Variants in GRM4 observed in about 807,000 individuals in gnomAD.
GRM4 encodes the protein glutamate metabotropic receptor 4.
Under a neutral mutation model 81.7 loss-of-function variants are expected in GRM4, and 28 were observed. That is an observed-to-expected ratio of 0.34 (90% CI 0.25 to 0.47). The LOEUF (loss-of-function observed/expected upper bound fraction) is 0.47, where lower values mean the gene tolerates loss of function less well. GRM4 is among the 20% of genes least tolerant of loss of function. GRM4 has a pLI of 1.00. For missense variants in GRM4, 948 were observed against 1,290.0 expected (o/e 0.73, Z 4.06); for synonymous variants, 488 against 528.8 (o/e 0.92, Z 1.06).
chr6:34,046,531 G>C (rs551632644), intron 6 of GRM4, among the ~76,000 whole-genome samples: 1 of 152,238 alleles, frequency 6.6e-6, no homozygotes, highest in African/African-American at 2.4e-5. Flanking sequence ...AGCCTGTGGG[G>C]TTCCGTCCTG....
intron 1 of GRM4, among the ~76,000 whole-genome samples, chr6:34,154,702 G>A (rs1010059018): frequency 2.0e-5 from 3 of 151,974 alleles, no homozygotes; most frequent in African/African-American, 7.3e-5. Context: ...ACAGACACGT[G>A]GGGGGGAGTC....
At position 34,056,514 on chromosome 6, in the gene GRM4, CGCCCGGCCCT is replaced by C. The variant is rs1561778684; in HGVS notation, c.1168+20_1168+29del. 3.8e-6 allele frequency: 6 copies of C among 1,597,118 alleles called. No homozygotes were observed. Among genetic ancestry groups the C allele is most frequent in the Non-Finnish European group, 5.1e-6 (6 of 1,169,716 alleles). ...GCCCTCCCCGGCTCCTCCTAGAGCC[CGCCCGGCCCT>C]GCCCGGCCCGCGTGCTCACTGGTGC... On this transcript the variant is annotated intron_variant, in intron 6 of 10. Transcript: ENST00000538487.
At chr6:34,100,638 C>A (rs568523656) in intron 2 of GRM4, among the ~76,000 whole-genome samples, 5 of 152,334 alleles carry the variant, frequency 3.3e-5, no homozygotes, top group Non-Finnish European at 7.3e-5. Flanking sequence ...AGCGGACATC[C>A]GAGTGGGAGA....
intron 1 of GRM4, among the ~76,000 whole-genome samples, chr6:34,153,388 G>T (rs115958138): frequency 7.9e-5 from 12 of 152,276 alleles, no homozygotes; most frequent in Middle Eastern, 6.8e-3. Flanking sequence ...CCCACACTCC[G>T]GGCATCTCCA....
At position 34,096,915 on chromosome 6, in the gene GRM4, A is replaced by AGTGTGT. The variant is rs5875485; in HGVS notation, c.520-4822_520-4817dup. 6.0e-5 allele frequency among the ~76,000 whole-genome samples: 8 copies of AGTGTGT among 132,500 alleles called. No individual in the cohort carries two copies. The East Asian group carries it at 9.9e-4, about 16-fold the overall frequency. The allele number at this position is 132,500 out of a possible 152,430, so 86.9% of individuals were successfully genotyped here. ...TGAAGATGGATTCCAAGTACATCTG[A>AGTGTGT]GTGTGTGTGTGTGTGTGTCTGTGTG... is the stretch of plus-strand genomic sequence containing the variant. On this transcript the variant is annotated intron_variant, in intron 2 of 10. Transcript: ENST00000538487.
intron 10 of GRM4, among the ~76,000 whole-genome samples, chr6:34,026,788 G>A (rs1317672181): frequency 3.9e-5 from 6 of 152,188 alleles, no homozygotes; most frequent in African/African-American, 1.2e-4. Context: ...TTTGGGGCCA[G>A]GGTGTCACCT....
Position 34,133,803 on chromosome 6 carries a change from G to C in GRM4, c.-307C>G. 1 of 1,163,814 alleles carries C rather than the reference G, an allele frequency of 8.6e-7. No individual in the cohort carries two copies. The highest frequency in any genetic ancestry group is 4.3e-5 in the South Asian group (1 of 23,406). The allele number at this position is 1,163,814 out of a possible 1,614,324, so 72.1% of individuals were successfully genotyped here. On this transcript the variant is annotated 5_prime_UTR_variant, in exon 2 of 11. Transcript: ENST00000538487. The surrounding 1 kb of genome is among the most constrained non-coding windows in gnomAD (Gnocchi z 6.5). ...CTGTGGAAAGGGCAGAATGCTCCTA[G>C]CTTGGCGTATCTTGGCATCAAGGAG...
intron 9 of GRM4, among the ~76,000 whole-genome samples, chr6:34,029,651 G>T (rs1438251071): frequency 6.6e-6 from 1 of 152,200 alleles, no homozygotes; most frequent in Non-Finnish European, 1.5e-5. Context: ...TTTTCCCTCA[G>T]TGCAATGGGA....
At chr6:34,105,892 T>C (rs539918633) in intron 2 of GRM4, 8 of 152,308 alleles carry the variant, frequency 5.3e-5, no homozygotes, top group African/African-American at 1.7e-4. Flanking sequence ...TTGGCTCTAC[T>C]TGAAAAGGAT....
At chr6:34,126,905 T>C (rs1770045985) in intron 2 of GRM4, among the ~76,000 whole-genome samples, 1 of 152,226 alleles carries the variant, frequency 6.6e-6, no homozygotes, top group South Asian at 2.1e-4. Flanking sequence ...TCTGTGCTTG[T>C]AGCTTGACAG....
At position 34,115,665 on chromosome 6, in the gene GRM4, T is replaced by A. The variant is rs561349904; in HGVS notation, c.519+17313A>T. Reference sequence around the variant, plus strand: ...TCCCAAAGGGGCCCTGGGACAAGCCTTGCTGGGTTTTGGGCCCAACTCCAA... The same window carrying A: ...TCCCAAAGGGGCCCTGGGACAAGCCATGCTGGGTTTTGGGCCCAACTCCAA... On this transcript the variant is annotated intron_variant, in intron 2 of 10. Transcript: ENST00000538487. The surrounding 1 kb of genome is among the most constrained non-coding windows in gnomAD (Gnocchi z 4.1). Among the ~76,000 whole-genome samples, 26 of 152,312 alleles carry A rather than the reference T, an allele frequency of 1.7e-4. No homozygotes were observed. The highest frequency in any genetic ancestry group is 3.4e-3 in the Middle Eastern group (1 of 294).
At chr6:34,091,644 C>T (rs1471796362) in intron 3 of GRM4, 1 of 572,166 alleles carries the variant, frequency 1.7e-6, no homozygotes, top group Non-Finnish European at 3.1e-6. Context: ...TCAACAGTCC[C>T]CTCATCTGCA....
chr6:34,144,257 G>A (rs546901979), intron 1 of GRM4, among the ~76,000 whole-genome samples: 1 of 152,182 alleles, frequency 6.6e-6, no homozygotes, highest in African/African-American at 2.4e-5. Context: ...TCTCGCAGTC[G>A]AGGCCTCCAC....
At chr6:34,077,802 C>A (rs1767392018) in intron 3 of GRM4, among the ~76,000 whole-genome samples, 1 of 152,210 alleles carries the variant, frequency 6.6e-6, no homozygotes, top group South Asian at 2.1e-4. Flanking sequence ...CGGGCCTCCT[C>A]CTCCAGGAAG....
rs1037546634 is a variant in GRM4 at position 34,122,848 on chromosome 6, G to C, written c.519+10130C>G. On this transcript the variant is annotated intron_variant, in intron 2 of 10. Coordinates refer to ENST00000538487, the MANE Select transcript of GRM4 (RefSeq NM_000841.4). ...CAAGAAACTCAGAACTGTGGGGAGA[G>C]ACACGATTCCCGCAAGAGCCCCCAC... 9.9e-5 allele frequency among the ~76,000 whole-genome samples: 15 copies of C among 152,200 alleles called. 1 individual carries two copies. The highest frequency in any genetic ancestry group is 8.5e-4 in the Admixed American group (13 of 15,286).
At position 34,090,759 on chromosome 6, in the gene GRM4, C is replaced by T. The variant is rs1768161200; in HGVS notation, c.736+1124G>A. Among the ~76,000 whole-genome samples, 1 of 152,084 alleles carries T rather than the reference C, an allele frequency of 6.6e-6. No individual in the cohort carries two copies. Among genetic ancestry groups the T allele is most frequent in the African/African-American group, 2.4e-5 (1 of 41,382 alleles). Reference sequence around the variant, plus strand: ...CCCACGGGGTGTTACCAACGGCAGCCTCTGGACACTCTGTAGTCCTTAGGA... The same window carrying T: ...CCCACGGGGTGTTACCAACGGCAGCTTCTGGACACTCTGTAGTCCTTAGGA... On this transcript the variant is annotated intron_variant, in intron 3 of 10. Transcript: ENST00000538487. This position sits in a 1 kb window ranked among gnomAD's most constrained non-coding sequence, Gnocchi z 5.2.
At chr6:34,061,751 A>G (rs957165644) in intron 4 of GRM4, 142 bp downstream of exon 4, 2 of 811,662 alleles carry the variant, frequency 2.5e-6, no homozygotes, top group South Asian at 1.7e-5. Context: ...CCCTGCCCAC[A>G]TACCCACTCA....
chr6:34,072,181 T>TACACACCACACACAGAC (rs1766939312), intron 3 of GRM4, among the ~76,000 whole-genome samples: 1 of 111,600 alleles, frequency 9.0e-6, no homozygotes, highest in Non-Finnish European at 1.9e-5. Flanking sequence ...ACCACACAGA[T>TACACACCACACACAGAC]ACACACCACA....
intron 1 of GRM4, among the ~76,000 whole-genome samples, chr6:34,134,708 T>G (rs1305877042): frequency 7.2e-6 from 1 of 139,008 alleles, no homozygotes; most frequent in East Asian, 2.5e-4. Context: ...TCTCTCCATC[T>G]CTCCACTGCT....
Sources: gnomAD v4.1 joint callset for allele counts (sites outside exome capture counted in the v4.1 genomes callset) on GRCh38, gnomAD v4.1.1 for gene constraint, Gnocchi (gnomAD v3.1) non-coding constraint, MANE v1.5 for transcripts, NCBI Gene and HGNC (gene_info 2026-07-23, HGNC 2026-07-21) for gene names.